The following CATSPERB variants were observed in gnomAD, a reference collection of about 807,000 sequenced individuals.
The protein encoded by CATSPERB is cation channel sperm-associated auxiliary subunit beta.
Under a neutral mutation model 128.3 loss-of-function variants are expected in CATSPERB, and 93 were observed. The observed-to-expected ratio is 0.72, with a 90% CI of 0.61 to 0.86. The LOEUF (loss-of-function observed/expected upper bound fraction) is 0.86, where lower values mean the gene tolerates loss of function less well. Ranked by LOEUF, CATSPERB falls within the 40% of genes least tolerant of loss-of-function variation. The probability of loss-of-function intolerance (pLI) is 0.00; values close to 1 mark genes in which losing one functional copy is unlikely to be tolerated. For synonymous variants in CATSPERB, 381 were observed against 448.8 expected, an observed-to-expected ratio of 0.85 and a Z score of 1.91; for missense variants, 1,153 against 1,329.5, an observed-to-expected ratio of 0.87 and a Z score of 2.06.
intron 2 of CATSPERB, among the ~76,000 whole-genome samples, chr14:91,726,627 A>G (rs1566742451): frequency 6.6e-6 from 1 of 152,228 alleles, no homozygotes; most frequent in Non-Finnish European, 1.5e-5. Flanking sequence ...GAAGGCATAG[A>G]CAAAGAAATA....
chr14:91,620,664 CT>C (rs964159388), intron 19 of CATSPERB, among the ~76,000 whole-genome samples: 36 of 151,728 alleles, frequency 2.4e-4, no homozygotes, highest in African/African-American at 8.5e-4. Flanking sequence ...ACTTCAAGGT[CT>C]TTTTTTTGGC....
Position 91,704,592 on chromosome 14 carries a change from A to G in CATSPERB, c.576T>C (p.Asp192=). Residue 192 remains aspartate (D), a synonymous_variant, in exon 7 of 27, where the codon GAT becomes GAC. Coordinates refer to ENST00000256343, the MANE Select transcript of CATSPERB (RefSeq NM_024764.4). ...CCACAATGAAGCCTAGTAATGCCAC[A>G]TCATTGGCACAGGGGCATTTTGTCA... The part of the protein sequence containing the change: ...LKVTKCPCAN[D]VALLGFIVDT... 6.2e-7 allele frequency: 1 copy of G among 1,613,796 alleles called. No individual in the cohort carries two copies. Among genetic ancestry groups the G allele is most frequent in the Non-Finnish European group, 8.5e-7 (1 of 1,179,778 alleles).
intron 17 of CATSPERB, among the ~76,000 whole-genome samples, chr14:91,632,923 T>C (rs1687264952): frequency 6.6e-6 from 1 of 152,142 alleles, no homozygotes; most frequent in Non-Finnish European, 1.5e-5. Flanking sequence ...TCCTTGCACC[T>C]GGAGAAGGAC....
chr14:91,602,800 C>A (rs969387425), intron 22 of CATSPERB, among the ~76,000 whole-genome samples: 1 of 152,160 alleles, frequency 6.6e-6, no homozygotes, highest in Non-Finnish European at 1.5e-5. Context: ...ACTGTCTGCA[C>A]CAAAATCATC....
At chr14:91,716,863 G>C (rs1000652608) in intron 5 of CATSPERB, among the ~76,000 whole-genome samples, 8 of 151,858 alleles carry the variant, frequency 5.3e-5, no homozygotes, top group African/African-American at 1.9e-4. Context: ...ATAAAGTTAA[G>C]CTTATACTTA....
chr14:91,702,491 T>A (rs919685227), intron 7 of CATSPERB, among the ~76,000 whole-genome samples: 3 of 151,938 alleles, frequency 2.0e-5, no homozygotes, highest in African/African-American at 7.2e-5. Flanking sequence ...CAAGGTTATT[T>A]GTCTATCCCT....
At chr14:91,661,262 G>A (rs1743098) in intron 14 of CATSPERB, among the ~76,000 whole-genome samples, 119,109 of 151,858 alleles carry the variant, frequency 0.78, 46,929 homozygotes, top group East Asian at 0.92. Flanking sequence ...ACGCAACAAT[G>A]TATCTCAGAT....
intron 6 of CATSPERB, among the ~76,000 whole-genome samples, chr14:91,705,220 GATCT>G (rs1895714973): frequency 6.6e-6 from 1 of 151,300 alleles, no homozygotes; most frequent in Admixed American, 6.6e-5. Flanking sequence ...TTTGCCACAG[GATCT>G]ATCTGTATAA....
At chr14:91,606,174 TCAAA>T (rs555196292) in intron 22 of CATSPERB, among the ~76,000 whole-genome samples, 36 of 151,900 alleles carry the variant, frequency 2.4e-4, no homozygotes, top group East Asian at 5.8e-4. Context: ...AGACTCCGTC[TCAAA>T]CAAACAAACA....
chr14:91,712,136 C>T (rs1416677622), intron 5 of CATSPERB, among the ~76,000 whole-genome samples: 1 of 152,140 alleles, frequency 6.6e-6, no homozygotes, highest in East Asian at 1.9e-4. Flanking sequence ...AAATCAATTA[C>T]AGTAAGTTCT....
chr14:91,690,570 T>A (rs1236554113), intron 10 of CATSPERB, among the ~76,000 whole-genome samples: 1 of 152,256 alleles, frequency 6.6e-6, no homozygotes, highest in Non-Finnish European at 1.5e-5. Context: ...TAGCTAGGTA[T>A]GGAATTCTAT....
At chr14:91,669,035 T>A (rs1235154787) in intron 14 of CATSPERB, among the ~76,000 whole-genome samples, 2 of 152,218 alleles carry the variant, frequency 1.3e-5, no homozygotes, top group African/African-American at 4.8e-5. Context: ...TTAAACCTCT[T>A]TTCTTTATAA....
intron 23 of CATSPERB, among the ~76,000 whole-genome samples, chr14:91,591,234 T>C (rs1204273173): frequency 6.6e-6 from 1 of 151,986 alleles, no homozygotes; most frequent in East Asian, 1.9e-4. Context: ...TTTGTATTTT[T>C]AGTAGAGATT....
At chr14:91,681,274 A>G (rs1022913145) in intron 11 of CATSPERB, among the ~76,000 whole-genome samples, 1 of 152,164 alleles carries the variant, frequency 6.6e-6, no homozygotes, top group Non-Finnish European at 1.5e-5. Context: ...ACATCTGCCT[A>G]TCCTCTGATT....
intron 10 of CATSPERB, among the ~76,000 whole-genome samples, chr14:91,690,609 T>C (rs1895450396): frequency 6.6e-6 from 1 of 152,256 alleles, no homozygotes. Flanking sequence ...CTATTCTTTA[T>C]AATGCAAATC....
chr14:91,656,501 C>T (rs796483436), intron 15 of CATSPERB, among the ~76,000 whole-genome samples: 15 of 151,806 alleles, frequency 9.9e-5, no homozygotes, highest in Admixed American at 2.0e-4. Flanking sequence ...ATTGATCAAG[C>T]GGAATAAAGA....
intron 20 of CATSPERB, among the ~76,000 whole-genome samples, chr14:91,612,067 C>CTTTCTTTCTTT (rs1566703361): frequency 4.0e-4 from 17 of 42,894 alleles, no homozygotes; most frequent in South Asian, 9.6e-4. Flanking sequence ...TTTCTTTCTT[C>CTTTCTTTCTTT]CTTTTTTTAA....
intron 10 of CATSPERB, among the ~76,000 whole-genome samples, chr14:91,687,294 C>T (rs746966760): frequency 8.5e-5 from 13 of 152,090 alleles, no homozygotes; most frequent in African/African-American, 1.7e-4. Context: ...GCTCATTTCC[C>T]TTGCAACATG....
At chr14:91,650,988 T>A (rs1894695514) in intron 15 of CATSPERB, among the ~76,000 whole-genome samples, 1 of 152,218 alleles carries the variant, frequency 6.6e-6, no homozygotes, top group Non-Finnish European at 1.5e-5. Context: ...TCCAACATTA[T>A]CTTGCTAGGT....
Sources: gnomAD v4.1 joint callset for allele counts (sites outside exome capture counted in the v4.1 genomes callset) on GRCh38, gnomAD v4.1.1 for gene constraint, MANE v1.5 for transcripts, NCBI Gene and HGNC (gene_info 2026-07-23, HGNC 2026-07-21) for gene names.